The following ARMC1 variants were observed in gnomAD, a reference collection of about 807,000 sequenced individuals.
ARMC1 encodes the protein armadillo repeat-containing protein 1.
In ARMC1, 16 loss-of-function variants were observed where a neutral mutation model predicts 31.4. The ratio of observed to expected loss-of-function variants is 0.51; its 90% CI spans 0.34 to 0.77. The LOEUF is 0.77. ARMC1 is among the 30% of genes least tolerant of loss of function. The probability of loss-of-function intolerance (pLI) is 0.01; values close to 1 mark genes in which losing one functional copy is unlikely to be tolerated. For synonymous variants in ARMC1, 114 were observed against 118.9 expected (o/e 0.96, Z 0.27); for missense variants, 259 against 347.5 (o/e 0.75, Z 2.02).
At chr8:65,619,087 AG>A (rs775905674) in intron 3 of ARMC1, among the ~76,000 whole-genome samples, 3 of 152,184 alleles carry the variant, frequency 2.0e-5, no homozygotes, top group Non-Finnish European at 4.4e-5. Context: ...TGCTGGTAAA[AG>A]CATCATAGGT....
intron 1 of ARMC1, among the ~76,000 whole-genome samples, chr8:65,628,522 C>A (rs1395414199): frequency 6.8e-6 from 1 of 147,030 alleles, no homozygotes; most frequent in Non-Finnish European, 1.5e-5. Context: ...GCTGGGATTA[C>A]AGGCATGAGC....
Position 65,616,651 on chromosome 8 carries a change from C to T in ARMC1, c.276-3218G>A, listed in dbSNP as rs1467142737. Among the ~76,000 whole-genome samples the T allele has an allele frequency of 3.3e-5, 5 of 150,290 alleles. No individual in the cohort carries two copies. The South Asian group carries it at 6.3e-4, about 19-fold the overall frequency. On this transcript the variant is annotated intron_variant, in intron 3 of 6. Coordinates refer to ENST00000276569, the MANE Select transcript of ARMC1 (RefSeq NM_018120.6). ...GCTGCCCAGTCTGGGAAGTGAGGAGCGCCTCTTCCCGGCCGCCATCACGTC... is the reference window on the plus strand; with the variant it reads ...GCTGCCCAGTCTGGGAAGTGAGGAGTGCCTCTTCCCGGCCGCCATCACGTC...
rs1225391672 is a variant in ARMC1, at chr8:65,603,101, T to A, written c.*1293A>T. 6.6e-6 allele frequency: 1 copy of A among 152,218 alleles called. No homozygotes were observed. The allele number at this position is 152,218 out of a possible 1,614,324, so 9.4% of individuals were successfully genotyped here. On this transcript the variant is annotated 3_prime_UTR_variant, in exon 7 of 7. Coordinates refer to ENST00000276569, the MANE Select transcript of ARMC1 (RefSeq NM_018120.6). ...TTCTTCCTATTTGTTTTTACTCATATCAACATTAATATGTATCTGGATTTA... is the reference window on the plus strand; with the variant it reads ...TTCTTCCTATTTGTTTTTACTCATAACAACATTAATATGTATCTGGATTTA...
At chr8:65,625,269 C>CA (rs1216907850) in intron 2 of ARMC1, among the ~76,000 whole-genome samples, 2 of 152,180 alleles carry the variant, frequency 1.3e-5, no homozygotes, top group East Asian at 1.9e-4. Context: ...CCAATCCTGC[C>CA]AAGATCCTAA....
intron 6 of ARMC1, among the ~76,000 whole-genome samples, 165 bp from the exon 7 acceptor site, chr8:65,604,750 G>A (rs1224609893): frequency 1.3e-5 from 2 of 152,208 alleles, no homozygotes; most frequent in African/African-American, 4.8e-5. Context: ...TAAGAACTCA[G>A]AAGTTGATCT....
intron 3 of ARMC1, among the ~76,000 whole-genome samples, chr8:65,615,530 C>A (rs1460644700): frequency 6.6e-6 from 1 of 151,738 alleles, no homozygotes; most frequent in Non-Finnish European, 1.5e-5. Flanking sequence ...CATGGCGAAA[C>A]CCCGTCTCTA....
intron 1 of ARMC1, among the ~76,000 whole-genome samples, chr8:65,630,001 C>T (rs1808606194): frequency 6.6e-6 from 1 of 151,090 alleles, no homozygotes; most frequent in African/African-American, 2.4e-5. Context: ...AAAAATTAGC[C>T]GGGCATGGTG....
intron 1 of ARMC1, among the ~76,000 whole-genome samples, chr8:65,630,439 A>G (rs1808617126): frequency 6.6e-6 from 1 of 152,200 alleles, no homozygotes; most frequent in Non-Finnish European, 1.5e-5. Flanking sequence ...GAGCCATTAG[A>G]TAACTATTCA....
At chr8:65,633,393 G>T (rs776283122) in intron 1 of ARMC1, among the ~76,000 whole-genome samples, 2 of 152,148 alleles carry the variant, frequency 1.3e-5, no homozygotes, top group East Asian at 3.8e-4. Flanking sequence ...AATCCTCAGC[G>T]GTTATCAGAT....
intron 4 of ARMC1, among the ~76,000 whole-genome samples, chr8:65,611,805 A>C (rs915572521): frequency 2.7e-5 from 4 of 147,688 alleles, no homozygotes; most frequent in Admixed American, 6.9e-5. Flanking sequence ...ACGGAGTCTC[A>C]CTCTGTCACT....
At chr8:65,622,001 G>A (rs535108349) in intron 3 of ARMC1, among the ~76,000 whole-genome samples, 53 of 151,932 alleles carry the variant, frequency 3.5e-4, no homozygotes, top group African/African-American at 1.2e-3. Context: ...GCAATGGCAC[G>A]ATCTCGGCTC....
chr8:65,609,726 C>A (rs189045786), intron 4 of ARMC1, among the ~76,000 whole-genome samples: 1 of 151,672 alleles, frequency 6.6e-6, no homozygotes, highest in Non-Finnish European at 1.5e-5. Context: ...GGCATGGTGG[C>A]GGGCACCTGT....
At chr8:65,615,489 G>A (rs1808230107) in intron 3 of ARMC1, among the ~76,000 whole-genome samples, 1 of 151,582 alleles carries the variant, frequency 6.6e-6, no homozygotes, top group Admixed American at 6.6e-5. Flanking sequence ...TGGATCACCT[G>A]AGGTTAGGAG....
intron 4 of ARMC1, among the ~76,000 whole-genome samples, chr8:65,609,983 T>C (rs1479579584): frequency 1.3e-5 from 2 of 152,130 alleles, no homozygotes; most frequent in East Asian, 3.8e-4. Flanking sequence ...TGTAAAGTTA[T>C]ATAACTTCTC....
chr8:65,615,413 A>C lies in ARMC1; in HGVS notation c.276-1980T>G, dbSNP rs1057304532. ...ACGAACTTAAGTTAAAAAAAAAAAAAAAAAAACAGGGCCGGGTACAGTGGC... is the reference window on the plus strand; with the variant it reads ...ACGAACTTAAGTTAAAAAAAAAAAACAAAAAACAGGGCCGGGTACAGTGGC... On this transcript the variant is annotated intron_variant, in intron 3 of 6. Transcript: ENST00000276569. 3.9e-5 allele frequency among the ~76,000 whole-genome samples: 6 copies of C among 152,084 alleles called. No homozygotes were observed. In the East Asian group the frequency reaches 7.7e-4, roughly 20 times the overall value.
intron 3 of ARMC1, among the ~76,000 whole-genome samples, chr8:65,618,844 C>T (rs982196758): frequency 1.3e-5 from 2 of 151,846 alleles, no homozygotes; most frequent in Non-Finnish European, 2.9e-5. Flanking sequence ...GAGACCGAGA[C>T]CATCCTGACT....
intron 3 of ARMC1, among the ~76,000 whole-genome samples, chr8:65,615,209 G>T (rs923061874): frequency 6.6e-6 from 1 of 152,060 alleles, no homozygotes; most frequent in Non-Finnish European, 1.5e-5. Context: ...TACTTTGGGT[G>T]ACTTTAGCCG....
chr8:65,613,721 T>G (rs1808192648), intron 3 of ARMC1, among the ~76,000 whole-genome samples: 1 of 152,164 alleles, frequency 6.6e-6, no homozygotes, highest in Non-Finnish European at 1.5e-5. Flanking sequence ...AACCCAGCAC[T>G]TTGGGAGGCC....
chr8:65,610,781 CTT>C (rs1808121583), intron 4 of ARMC1, among the ~76,000 whole-genome samples: 1 of 152,126 alleles, frequency 6.6e-6, no homozygotes, highest in African/African-American at 2.4e-5. Context: ...TATGGCATGA[CTT>C]TTAGCTACAA....
Sources: allele counts gnomAD v4.1 joint callset (sites outside exome capture counted in the v4.1 genomes callset), GRCh38; gene constraint gnomAD v4.1.1; transcripts MANE v1.5; gene names NCBI Gene and HGNC (gene_info 2026-07-23, HGNC 2026-07-21).